Variants in ERC2 observed in about 807,000 individuals in gnomAD.
ERC2 encodes the protein ERC protein 2.
In ERC2, 42 loss-of-function variants were observed where a neutral mutation model predicts 114.8. The observed-to-expected ratio is 0.37, with a 90% CI of 0.29 to 0.47. The LOEUF (loss-of-function observed/expected upper bound fraction) is 0.47. Among genes scored for constraint, ERC2 ranks in the 20% least tolerant of loss-of-function variants. The pLI, the probability that ERC2 is intolerant of heterozygous loss-of-function variation, is 0.99. For synonymous variants in ERC2, 454 were observed against 425.5 expected, an observed-to-expected ratio of 1.07 and a Z score of -0.82; for missense variants, 939 against 1,150.7, an observed-to-expected ratio of 0.82 and a Z score of 2.66.
At chr3:55,754,605 T>A (rs1270617625) in intron 14 of ERC2, among the ~76,000 whole-genome samples, 3 of 94,230 alleles carry the variant, frequency 3.2e-5, no homozygotes, top group East Asian at 6.6e-4. Flanking sequence ...CATTCTTACA[T>A]AAAAAAAAAA....
chr3:56,039,658 T>C (rs948708953), intron 7 of ERC2, among the ~76,000 whole-genome samples: 1 of 152,050 alleles, frequency 6.6e-6, no homozygotes, highest in Non-Finnish European at 1.5e-5. Flanking sequence ...CTAAAACTCA[T>C]ATGAAACCAA....
chr3:56,049,967 G>C (rs911858293), intron 7 of ERC2, among the ~76,000 whole-genome samples: 2 of 151,926 alleles, frequency 1.3e-5, no homozygotes, highest in African/African-American at 4.8e-5. Context: ...GACCCAGAAG[G>C]CTACATATCT....
At chr3:55,598,758 C>T (rs895595683) in intron 17 of ERC2, among the ~76,000 whole-genome samples, 2 of 152,178 alleles carry the variant, frequency 1.3e-5, no homozygotes, top group South Asian at 2.1e-4. Context: ...GCCTTTTTAC[C>T]GAAGATTTCA....
chr3:56,380,568 T>C (rs2059710950), intron 2 of ERC2, among the ~76,000 whole-genome samples: 2 of 152,178 alleles, frequency 1.3e-5, no homozygotes, highest in African/African-American at 2.4e-5. Context: ...GAAATAGGCA[T>C]GGTATGAATG....
rs532520871 is a variant in ERC2, at chr3:56,436,326, T to C, written c.-140-1179A>G. Among the ~76,000 whole-genome samples, 7 of 152,242 alleles carry C rather than the reference T, an allele frequency of 4.6e-5. No individual in the cohort carries two copies. In the East Asian group the frequency reaches 1.4e-3, roughly 29 times the overall value. ...ATCTAACTCATAGTATTGTAAGAAA[T>C]AGTAAGATGAGGTTTATAAAACACC... On this transcript the variant is annotated intron_variant, in intron 1 of 17. Transcript: ENST00000288221.
intron 3 of ERC2, among the ~76,000 whole-genome samples, chr3:56,179,413 C>T (rs2083162440): frequency 6.6e-6 from 1 of 152,072 alleles, no homozygotes. Context: ...CAAAGGCAAA[C>T]CATGACATGA....
chr3:56,432,383 G>C (rs930340197), intron 2 of ERC2, among the ~76,000 whole-genome samples: 1 of 152,074 alleles, frequency 6.6e-6, no homozygotes, highest in Non-Finnish European at 1.5e-5. Context: ...TTAAAATGAA[G>C]AGAAAACCAG....
At chr3:55,947,506 A>G (rs971647044) in intron 13 of ERC2, among the ~76,000 whole-genome samples, 3 of 152,142 alleles carry the variant, frequency 2.0e-5, no homozygotes, top group African/African-American at 7.2e-5. Context: ...CCAAGGGTGA[A>G]AATCACAATA....
chr3:55,815,175 C>A (rs2059863011), intron 14 of ERC2, among the ~76,000 whole-genome samples: 1 of 151,702 alleles, frequency 6.6e-6, no homozygotes, highest in African/African-American at 2.4e-5. Flanking sequence ...AATTAGGGTT[C>A]AAATATACCA....
intron 2 of ERC2, among the ~76,000 whole-genome samples, chr3:56,394,637 G>A (rs1229724722): frequency 1.3e-5 from 2 of 152,122 alleles, no homozygotes; most frequent in African/African-American, 4.8e-5. Context: ...TCAGCTATAA[G>A]GGAAATGCAA....
chr3:55,840,586 T>G (rs1237609932), intron 14 of ERC2, among the ~76,000 whole-genome samples: 1 of 152,002 alleles, frequency 6.6e-6, no homozygotes, highest in Non-Finnish European at 1.5e-5. Context: ...TCTTGAAAAG[T>G]CCAGCATACC....
At chr3:55,655,090 GAC>G (rs57219479) in intron 17 of ERC2, among the ~76,000 whole-genome samples, 12,010 of 152,184 alleles carry the variant, frequency 0.079, 983 homozygotes, top group African/African-American at 0.21. Context: ...CAGGAATGAA[GAC>G]ACACATATCA....
chr3:55,899,387 T>C (rs1024749658), intron 13 of ERC2, among the ~76,000 whole-genome samples: 5 of 152,218 alleles, frequency 3.3e-5, no homozygotes, highest in Non-Finnish European at 2.9e-5. Flanking sequence ...AGAATAAAAG[T>C]TTGTATGTGT....
chr3:56,038,808 T>G (rs776801464), intron 7 of ERC2, among the ~76,000 whole-genome samples: 9 of 152,126 alleles, frequency 5.9e-5, no homozygotes, highest in Non-Finnish European at 1.2e-4. Flanking sequence ...CTGGAAGCCA[T>G]TATCCTCAGC....
At chr3:56,280,798 G>A (rs1055214705) in intron 3 of ERC2, among the ~76,000 whole-genome samples, 11 of 152,218 alleles carry the variant, frequency 7.2e-5, no homozygotes, top group Admixed American at 7.2e-4. Context: ...GCAAGACTGA[G>A]TAAGGGAAAG....
intron 15 of ERC2, among the ~76,000 whole-genome samples, chr3:55,713,097 TC>T: frequency 4.2e-5 from 1 of 24,058 alleles, no homozygotes. Flanking sequence ...CCTCTGCCAT[TC>T]TCTCTCTCTC....
chr3:55,800,211 G>T (rs1485293624), intron 14 of ERC2, among the ~76,000 whole-genome samples: 1 of 152,038 alleles, frequency 6.6e-6, no homozygotes, highest in Non-Finnish European at 1.5e-5. Context: ...CGTGATGTCG[G>T]CTCACTGCAA....
chr3:56,052,462 A>G (rs975407131), intron 7 of ERC2, among the ~76,000 whole-genome samples: 4 of 152,232 alleles, frequency 2.6e-5, no homozygotes, highest in Non-Finnish European at 4.4e-5. Flanking sequence ...CCCAGCCAAT[A>G]TCTATACTTG....
chr3:56,372,544 A>G (rs375704470), intron 2 of ERC2, among the ~76,000 whole-genome samples: 4 of 152,240 alleles, frequency 2.6e-5, no homozygotes, highest in African/African-American at 9.6e-5. Flanking sequence ...CTTGGGCAAC[A>G]TGGCAAAACC....
Sources: allele counts gnomAD v4.1 joint callset (sites outside exome capture counted in the v4.1 genomes callset), GRCh38; gene constraint gnomAD v4.1.1; transcripts MANE v1.5; gene names NCBI Gene and HGNC (gene_info 2026-07-23, HGNC 2026-07-21).